Variants in MTMR3 observed in about 807,000 individuals in gnomAD.
MTMR3 encodes the protein phosphatidylinositol-3,5-bisphosphate 3-phosphatase MTMR3.
A neutral mutation model predicts 132.4 loss-of-function variants in MTMR3; 32 were observed. The ratio of observed to expected loss-of-function variants is 0.24; its 90% CI spans 0.18 to 0.32. The LOEUF (loss-of-function observed/expected upper bound fraction) is 0.32, where lower values mean the gene tolerates loss of function less well. Ranked by LOEUF, MTMR3 falls within the 10% of genes least tolerant of loss-of-function variation. The pLI, the probability that MTMR3 is intolerant of heterozygous loss-of-function variation, is 1.00. For synonymous variants in MTMR3, 556 were observed against 550.3 expected (o/e 1.01, Z -0.14); for missense variants, 1,216 against 1,489.6 (o/e 0.82, Z 3.02).
In MTMR3 at chr22:29,890,346, G is replaced by A. The variant is rs5763578; in HGVS notation, c.-138+6987G>A. ...AGGCTGGCCAACATGGTAAAACCCC[G>A]TCTCTACTAAAAATACAAAAATCAG... On this transcript the variant is annotated intron_variant, in intron 1 of 19. Coordinates refer to ENST00000401950, the MANE Select transcript of MTMR3 (RefSeq NM_021090.4). Among the ~76,000 whole-genome samples, 106 of 151,980 alleles carry A rather than the reference G, an allele frequency of 7.0e-4. 3 individuals carry two copies. The East Asian group carries it at 0.015, about 22-fold the overall frequency.
In MTMR3 at chr22:29,974,101, C is replaced by T. The variant is rs2066587524; in HGVS notation, c.3+3039C>T. On this transcript the variant is annotated intron_variant, in intron 3 of 19. Coordinates refer to ENST00000401950, the MANE Select transcript of MTMR3 (RefSeq NM_021090.4). ...TACGAAGTGCCAGATGCCACAATGC[C>T]TGGTGTTCCTCAGCAGTACCAGGAA... is the stretch of plus-strand genomic sequence containing the variant. 2.0e-5 allele frequency among the ~76,000 whole-genome samples: 3 copies of T among 152,130 alleles called. No individual in the cohort carries two copies. The South Asian group carries it at 6.2e-4, about 32-fold the overall frequency.
chr22:29,996,631 C>T (rs1280963638), intron 7 of MTMR3: 2 of 152,178 alleles, frequency 1.3e-5, no homozygotes, highest in Non-Finnish European at 2.9e-5. Flanking sequence ...GAAAAAATCT[C>T]TTAATGAACT....
chr22:29,939,132 C>G (rs952968655), intron 1 of MTMR3, among the ~76,000 whole-genome samples: 2 of 152,048 alleles, frequency 1.3e-5, no homozygotes, highest in East Asian at 3.8e-4. Flanking sequence ...GAAAACTATA[C>G]GTTTTCTAAT....
chr22:29,999,983 A>T (rs1483640671), intron 8 of MTMR3: 2 of 151,520 alleles, frequency 1.3e-5, no homozygotes, highest in African/African-American at 4.9e-5. Flanking sequence ...CTATATTCCA[A>T]CCTGGGTGAT....
intron 1 of MTMR3, among the ~76,000 whole-genome samples, chr22:29,895,864 A>G (rs897042627): frequency 2.0e-5 from 3 of 152,178 alleles, no homozygotes; most frequent in African/African-American, 7.2e-5. Context: ...GCTGGTCATC[A>G]CTGTTGTTGT....
rs1386398674 is a variant in MTMR3, at chr22:30,022,626, T to C, written c.3354T>C (p.Pro1118=). 6.2e-7 allele frequency: 1 copy of C among 1,613,136 alleles called. No homozygotes were observed. The highest frequency in any genetic ancestry group is 2.2e-5 in the East Asian group (1 of 44,884). ...KQDTEMTRWL[P]DHLAAHCYAC... ...TTTTGCAGATGACCCGTTGGCTTCC[T>C]GACCACCTGGCCGCCCACTGCTATG... is the stretch of plus-strand genomic sequence containing the variant. The change falls in exon 19 of 20, where the codon CCT becomes CCC. Residue 1118 remains proline, a synonymous_variant. Coordinates refer to ENST00000401950, the MANE Select transcript of MTMR3 (RefSeq NM_021090.4).
intron 1 of MTMR3, among the ~76,000 whole-genome samples, chr22:29,938,982 C>T (rs1480753990): frequency 2.6e-5 from 4 of 151,894 alleles, no homozygotes; most frequent in Non-Finnish European, 5.9e-5. Flanking sequence ...CCACCACGCC[C>T]GGCTAATTTT....
chr22:29,905,355 C>G (rs2065074882), intron 1 of MTMR3, among the ~76,000 whole-genome samples: 1 of 152,172 alleles, frequency 6.6e-6, no homozygotes, highest in African/African-American at 2.4e-5. Context: ...CTGTGCAGTT[C>G]AAACCCCTGT....
In MTMR3 at chr22:30,025,790, A is replaced by C; in HGVS notation, c.3586A>C (p.Thr1196Pro). ...TGAACTGGATAAGCCCATTGCTGCC[A>C]CTTCCAACTGAAGCTCAGTGACCTG... is the stretch of plus-strand genomic sequence containing the variant. ...DLELDKPIAA[T>P]SN The change falls in exon 20 of 20, where the codon ACT becomes CCT. Residue 1196 changes from threonine (T) to proline (P), a missense_variant. Around this residue, in one of 7 missense-constraint regions of MTMR3, gnomAD observed 852 missense variants for 852.0 expected, o/e 1.00. Coordinates refer to ENST00000401950, the MANE Select transcript of MTMR3 (RefSeq NM_021090.4). 6.2e-7 allele frequency: 1 copy of C among 1,614,028 alleles called. No individual in the cohort carries two copies. Among genetic ancestry groups the C allele is most frequent in the South Asian group, 1.1e-5 (1 of 91,080 alleles).
At chr22:30,011,802 C>T (rs2067434038) in intron 12 of MTMR3, 1 of 152,444 alleles carries the variant, frequency 6.6e-6, no homozygotes, top group Non-Finnish European at 1.5e-5. Flanking sequence ...TTGTTTTAGT[C>T]AGTAAACATT....
intron 2 of MTMR3, among the ~76,000 whole-genome samples, chr22:29,962,203 G>A (rs535341443): frequency 6.6e-5 from 10 of 152,308 alleles, no homozygotes; most frequent in African/African-American, 1.2e-4. Flanking sequence ...AGTGAAAAGC[G>A]AACTTCTGCT....
At chr22:29,973,196 T>C (rs988907236) in intron 3 of MTMR3, among the ~76,000 whole-genome samples, 1 of 152,358 alleles carries the variant, frequency 6.6e-6, no homozygotes, top group African/African-American at 2.4e-5. Context: ...GTGACATTTT[T>C]CCCTTGTCTT....
intron 6 of MTMR3, chr22:29,990,306 C>G (rs1213093262): frequency 2.6e-5 from 4 of 152,300 alleles, no homozygotes; most frequent in South Asian, 2.1e-4. Context: ...TTAAATTCCA[C>G]AAGTTTTTAC....
chr22:29,949,592 TTGA>T (rs1262916886), intron 1 of MTMR3, among the ~76,000 whole-genome samples: 2 of 149,500 alleles, frequency 1.3e-5, no homozygotes, highest in African/African-American at 4.9e-5. Flanking sequence ...GCCTGTCTCA[TTGA>T]TTAGTTTTCT....
rs2067995099 is a variant in MTMR3 at position 30,030,636 on chromosome 22, G to GGT, written c.*4836_*4837insTG. The GGT allele has an allele frequency of 3.2e-5, 3 of 93,662 alleles. No individual in the cohort carries two copies. The highest frequency in any genetic ancestry group is 1.4e-4 in the African/African-American group (3 of 20,916). 5.8% of individuals were successfully genotyped at this position (93,662 alleles called of 1,614,324 possible). ...AGAGAGGGGCTCTCAGCGAGGAGGGGGCGGGGGGGGGGTCACTATTTATCT... is the reference window on the plus strand; with the variant it reads ...AGAGAGGGGCTCTCAGCGAGGAGGGGGTGCGGGGGGGGGGTCACTATTTATCT... On this transcript the variant is annotated 3_prime_UTR_variant, in exon 20 of 20. Coordinates refer to ENST00000401950, the MANE Select transcript of MTMR3 (RefSeq NM_021090.4).
chr22:29,978,447 A>G lies in MTMR3; in HGVS notation c.9A>G (p.Glu3=). 6.2e-7 allele frequency: 1 copy of G among 1,611,342 alleles called. No individual in the cohort carries two copies. The highest frequency in any genetic ancestry group is 8.5e-7 in the Non-Finnish European group (1 of 1,178,170). ...AAGGTTTTGGACTTTTCCAGGATGA[A>G]GAGACTCGGCACAGCCTTGAGTGCA... MD[E]ETRHSLECIQ... The change falls in exon 4 of 20, where the codon GAA becomes GAG. Residue 3 remains glutamate (E), a synonymous_variant. Coordinates refer to ENST00000401950, the MANE Select transcript of MTMR3 (RefSeq NM_021090.4).
intron 2 of MTMR3, among the ~76,000 whole-genome samples, chr22:29,963,227 A>C (rs2066348754): frequency 6.6e-6 from 1 of 151,778 alleles, no homozygotes; most frequent in African/African-American, 2.4e-5. Flanking sequence ...GATTACAGGC[A>C]TGAGCCACCA....
chr22:29,974,079 G>A (rs1448050477), intron 3 of MTMR3, among the ~76,000 whole-genome samples: 1 of 152,112 alleles, frequency 6.6e-6, no homozygotes, highest in African/African-American at 2.4e-5. Flanking sequence ...TGGAGACTAC[G>A]AAGTGCCAGA....
At chr22:29,960,586 A>G (rs910173365) in intron 2 of MTMR3, among the ~76,000 whole-genome samples, 6 of 152,230 alleles carry the variant, frequency 3.9e-5, no homozygotes, top group Non-Finnish European at 8.8e-5. Context: ...GTACATGTAC[A>G]TACTAATTTA....
Sources: allele counts gnomAD v4.1 joint callset (sites outside exome capture counted in the v4.1 genomes callset), GRCh38; gene constraint gnomAD v4.1.1; regional missense constraint gnomAD v4.1.1; transcripts MANE v1.5; gene names NCBI Gene and HGNC (gene_info 2026-07-23, HGNC 2026-07-21).